PCDH7: variants seen among roughly 807,000 people sequenced by gnomAD.
The protein encoded by PCDH7 is protocadherin-7.
PCDH7 carries 17 observed loss-of-function variants against 58.9 expected under a neutral mutation model. The observed-to-expected ratio is 0.29, with a 90% CI of 0.20 to 0.43. The LOEUF is 0.43. Among genes scored for constraint, PCDH7 ranks in the 20% least tolerant of loss-of-function variants. The pLI, the probability that PCDH7 is intolerant of heterozygous loss-of-function variation, is 1.00. For missense variants in PCDH7, 1,274 were observed against 1,441.0 expected, an observed-to-expected ratio of 0.88 and a Z score of 1.88; for synonymous variants, 664 against 616.4, an observed-to-expected ratio of 1.08 and a Z score of -1.14.
intron 1 of PCDH7, chr4:30,725,130 TACTG>T: frequency 1.0e-6 from 1 of 999,560 alleles, no homozygotes; most frequent in Non-Finnish European, 1.2e-6. Context: ...GATATTGAAA[TACTG>T]ACTACTTTGA....
chr4:30,721,968 G>A lies in PCDH7; in HGVS notation c.546G>A (p.Leu182=), dbSNP rs1713649331. The A allele has an allele frequency of 7.1e-7, 1 of 1,413,694 alleles. No individual in the cohort carries two copies. Among genetic ancestry groups the A allele is most frequent in the Non-Finnish European group, 9.2e-7 (1 of 1,084,580 alleles). The allele number at this position is 1,413,694 out of a possible 1,614,324, so 87.6% of individuals were successfully genotyped here. The change falls in exon 1 of 2, where the codon CTG becomes CTA. Residue 182 remains leucine (L), a synonymous_variant. Coordinates refer to ENST00000361762, the Ensembl canonical transcript of PCDH7. The surrounding 1 kb of genome is among the most constrained non-coding windows in gnomAD (Gnocchi z 6.7). ...GCAACGGCATCGAGCGCTACGAGCT[G>A]CTCCAGGAGCCCGGAGGCGGCGGCA... is the stretch of plus-strand genomic sequence containing the variant.
rs13114650 is a variant in PCDH7 at position 30,739,699 on chromosome 4, G to A, written c.70+15103G>A. The stretch of plus-strand genomic sequence containing the variant: ...GTGTATGTATTTATGTGTAGTGGAC[G>A]TATTCATATGCATATATACATATAC... On this transcript the variant is annotated intron_variant, in intron 1 of 3. Coordinates refer to the PCDH7 transcript ENST00000509759. Among the ~76,000 whole-genome samples the A allele has an allele frequency of 7.4e-3, 1,123 of 152,132 alleles. 2 individuals carry two copies. The highest frequency in any genetic ancestry group is 0.012 in the Non-Finnish European group (813 of 67,996).
chr4:30,858,742 G>T (rs1157693770), intron 1 of PCDH7, among the ~76,000 whole-genome samples: 2 of 152,134 alleles, frequency 1.3e-5, no homozygotes, highest in Non-Finnish European at 2.9e-5. Flanking sequence ...CTACCATTGG[G>T]TTAGCATCCC....
chr4:30,764,595 T>C (rs1010818922), intron 1 of PCDH7, among the ~76,000 whole-genome samples: 5 of 152,206 alleles, frequency 3.3e-5, no homozygotes, highest in African/African-American at 9.7e-5. Flanking sequence ...AAATGCACTG[T>C]GTTAACTTTG....
intron 2 of PCDH7, among the ~76,000 whole-genome samples, chr4:30,937,672 A>G (rs1482904390): frequency 2.0e-5 from 3 of 152,090 alleles, no homozygotes; most frequent in Admixed American, 1.3e-4. Flanking sequence ...CTTGTTCTCA[A>G]GCATATCTCA....
At chr4:30,801,531 C>CAAT (rs1725518948) in intron 1 of PCDH7, among the ~76,000 whole-genome samples, 3 of 152,142 alleles carry the variant, frequency 2.0e-5, no homozygotes, top group Middle Eastern at 3.4e-3. Context: ...TCAAAAGCAA[C>CAAT]AATAATAATA....
At chr4:30,884,064 A>G (rs1737356320) in intron 1 of PCDH7, among the ~76,000 whole-genome samples, 1 of 152,172 alleles carries the variant, frequency 6.6e-6, no homozygotes, top group African/African-American at 2.4e-5. Flanking sequence ...TTATTTTAAT[A>G]TTACATATTA....
At chr4:31,126,608 C>G (rs16884384) in intron 3 of PCDH7, among the ~76,000 whole-genome samples, 1 of 151,832 alleles carries the variant, frequency 6.6e-6, no homozygotes, top group Non-Finnish European at 1.5e-5. Flanking sequence ...GAATTTTCCC[C>G]GAGATTTTAT....
intron 1 of PCDH7, among the ~76,000 whole-genome samples, chr4:30,769,606 A>T (rs1267833949): frequency 6.6e-6 from 1 of 152,116 alleles, no homozygotes; most frequent in East Asian, 1.9e-4. Context: ...GCATGTTAGC[A>T]TCCGTTTACA....
At chr4:30,739,793 T>C (rs1716831091) in intron 1 of PCDH7, among the ~76,000 whole-genome samples, 2 of 152,192 alleles carry the variant, frequency 1.3e-5, no homozygotes, top group South Asian at 4.1e-4. Flanking sequence ...ATCACTACTA[T>C]ATGCCAATTA....
At chr4:30,994,354 C>T (rs1204212892) in intron 3 of PCDH7, among the ~76,000 whole-genome samples, 12 of 152,116 alleles carry the variant, frequency 7.9e-5, no homozygotes, top group South Asian at 2.1e-4. Flanking sequence ...TGAACTGACA[C>T]GATGACCCAT....
At chr4:30,800,879 G>A (rs1462314006) in intron 1 of PCDH7, among the ~76,000 whole-genome samples, 4 of 152,200 alleles carry the variant, frequency 2.6e-5, no homozygotes, top group Non-Finnish European at 5.9e-5. Context: ...ATGCCTAGGA[G>A]TTTGTATTTA....
intron 3 of PCDH7, among the ~76,000 whole-genome samples, chr4:31,111,997 G>A (rs1469421384): frequency 2.6e-5 from 4 of 152,138 alleles, no homozygotes; most frequent in Non-Finnish European, 5.9e-5. Context: ...TAATGAGTCA[G>A]CATTTAAAAC....
At chr4:30,763,219 C>T (rs1720266624) in intron 1 of PCDH7, among the ~76,000 whole-genome samples, 1 of 152,064 alleles carries the variant, frequency 6.6e-6, no homozygotes, top group Admixed American at 6.6e-5. Flanking sequence ...GAAACTCCGT[C>T]TCAAAAAAAT....
chr4:30,862,027 G>T (rs974871613), intron 1 of PCDH7, among the ~76,000 whole-genome samples: 2 of 152,070 alleles, frequency 1.3e-5, no homozygotes, highest in African/African-American at 2.4e-5. Flanking sequence ...AGCTGAAAGG[G>T]ACTACAGAAA....
chr4:30,825,857 G>A (rs1210744902), intron 1 of PCDH7, among the ~76,000 whole-genome samples: 1 of 152,110 alleles, frequency 6.6e-6, no homozygotes, highest in Non-Finnish European at 1.5e-5. Flanking sequence ...TAAAATTAAT[G>A]TTTAATAAGA....
chr4:31,070,784 G>T (rs1424606279), intron 3 of PCDH7, among the ~76,000 whole-genome samples: 3 of 152,042 alleles, frequency 2.0e-5, no homozygotes, highest in Non-Finnish European at 4.4e-5. Flanking sequence ...TCACTTTGTA[G>T]AAAATAGAGG....
rs529508358 is a variant in PCDH7, at chr4:30,951,496, T to C, written c.*7+1281T>C. On this transcript the variant is annotated intron_variant, in intron 3 of 3. Coordinates refer to the PCDH7 transcript ENST00000509759. ...CTTGAGCACACACTGCACTCTGTGC[T>C]CTGCATCTTTCCCAGAGGGTGCAAT... 3.3e-5 allele frequency among the ~76,000 whole-genome samples: 5 copies of C among 152,302 alleles called. No individual in the cohort carries two copies. The East Asian group carries it at 9.7e-4, about 29-fold the overall frequency.
chr4:30,787,832 G>C (rs1362763915), intron 1 of PCDH7, among the ~76,000 whole-genome samples: 1 of 152,016 alleles, frequency 6.6e-6, no homozygotes, highest in Non-Finnish European at 1.5e-5. Context: ...TTGCACTTTG[G>C]TTTGTTACCT....
Sources: allele counts gnomAD v4.1 joint callset (sites outside exome capture counted in the v4.1 genomes callset), GRCh38; gene constraint gnomAD v4.1.1; non-coding constraint Gnocchi (gnomAD v3.1); transcripts MANE v1.5; gene names NCBI Gene and HGNC (gene_info 2026-07-23, HGNC 2026-07-21).